TMEM132B: variants seen among roughly 807,000 people sequenced by gnomAD.
The protein encoded by TMEM132B is transmembrane protein 132B.
A neutral mutation model predicts 90.8 loss-of-function variants in TMEM132B; 18 were observed. That is an observed-to-expected ratio of 0.20 (90% CI 0.14 to 0.29). The LOEUF (loss-of-function observed/expected upper bound fraction) is 0.29, where lower values mean the gene tolerates loss of function less well. Among genes scored for constraint, TMEM132B ranks in the 10% least tolerant of loss-of-function variants. The pLI, the probability that TMEM132B is intolerant of heterozygous loss-of-function variation, is 1.00. For synonymous variants in TMEM132B, 504 were observed against 523.3 expected, an observed-to-expected ratio of 0.96 and a Z score of 0.50; for missense variants, 1,096 against 1,326.8, an observed-to-expected ratio of 0.83 and a Z score of 2.70.
rs1193677631 is a variant in TMEM132B, at chr12:125,407,268, G to A, written c.960-8263G>A. ...AAAAGTTAGTTCTCAGGAGGTGAAG[G>A]CAAAGGCCAGACCTCTCTTCGGGCA... On this transcript the variant is annotated intron_variant, in intron 2 of 8. Transcript: ENST00000682704. This position sits in a 1 kb window ranked among gnomAD's most constrained non-coding sequence, Gnocchi z 6.7. Among the ~76,000 whole-genome samples, 4 of 152,238 alleles carry A rather than the reference G, an allele frequency of 2.6e-5. No individual in the cohort carries two copies. Among genetic ancestry groups the A allele is most frequent in the African/African-American group, 9.6e-5 (4 of 41,452 alleles).
At chr12:125,448,964 C>CTTTTTTTTTTT (rs368984381) in intron 3 of TMEM132B, among the ~76,000 whole-genome samples, 1 of 124,736 alleles carries the variant, frequency 8.0e-6, no homozygotes, top group Non-Finnish European at 1.7e-5. Flanking sequence ...ATTCATATAT[C>CTTTTTTTTTTT]TTTTTTTTTT....
chr12:125,634,508 A>G (rs572821791), intron 5 of TMEM132B, among the ~76,000 whole-genome samples: 3 of 152,200 alleles, frequency 2.0e-5, no homozygotes, highest in Admixed American at 2.0e-4. Context: ...TCCTGTAACC[A>G]TCACAGTTGG....
chr12:125,569,902 T>G (rs531178619), intron 4 of TMEM132B, among the ~76,000 whole-genome samples: 18 of 152,222 alleles, frequency 1.2e-4, no homozygotes, highest in Non-Finnish European at 2.2e-4. Flanking sequence ...AAGGGCTCAT[T>G]GGTTCAGCAT....
chr12:125,519,555 T>A lies in TMEM132B; in HGVS notation c.1223T>A (p.Met408Lys). Residue 408 changes from methionine (M) to lysine (K), a missense_variant, in exon 4 of 9, where the codon ATG becomes AAG. Transcript: ENST00000682704. Reference protein sequence around the residue: ...WQVEYPIEDSMSELVVSEIFV... With the variant: ...WQVEYPIEDSKSELVVSEIFV... ...GTGGAGTACCCGATTGAGGACTCCA[T>A]GAGTGAGCTGGTCGTCTCCGAGATC... 1.9e-6 allele frequency: 3 copies of A among 1,614,180 alleles called. No homozygotes were observed. Among genetic ancestry groups the A allele is most frequent in the Non-Finnish European group, 2.5e-6 (3 of 1,180,032 alleles).
intron 1 of TMEM132B, among the ~76,000 whole-genome samples, chr12:125,214,912 G>A (rs1873399877): frequency 6.6e-6 from 1 of 152,192 alleles, no homozygotes; most frequent in Non-Finnish European, 1.5e-5. Context: ...GCTCCTCTGT[G>A]CTCGGTCTCC....
At chr12:125,545,850 C>G (rs1884077410) in intron 4 of TMEM132B, among the ~76,000 whole-genome samples, 1 of 152,196 alleles carries the variant, frequency 6.6e-6, no homozygotes, top group African/African-American at 2.4e-5. Context: ...TTGCAGGAGT[C>G]CATGGGTGAC....
At chr12:125,382,273 G>A in intron 2 of TMEM132B, among the ~76,000 whole-genome samples, 1 of 152,306 alleles carries the variant, frequency 6.6e-6, no homozygotes, top group East Asian at 1.9e-4. Flanking sequence ...TTTCTTCGAA[G>A]GTAAGTGTGA....
At chr12:125,561,894 T>A (rs115878111) in intron 4 of TMEM132B, among the ~76,000 whole-genome samples, 109 of 152,276 alleles carry the variant, frequency 7.2e-4, no homozygotes, top group African/African-American at 2.6e-3. Context: ...GGCTTCAACT[T>A]AAAGTCACCA....
intron 4 of TMEM132B, among the ~76,000 whole-genome samples, chr12:125,575,467 C>A (rs1281305645): frequency 6.6e-6 from 1 of 150,892 alleles, no homozygotes; most frequent in East Asian, 2.0e-4. Context: ...ACATTAGACC[C>A]TTATCAAATA....
At chr12:125,591,985 T>C (rs547589540) in intron 5 of TMEM132B, among the ~76,000 whole-genome samples, 1 of 152,264 alleles carries the variant, frequency 6.6e-6, no homozygotes, top group South Asian at 2.1e-4. Flanking sequence ...GGGGCCACAA[T>C]TCAACCCACC....
At chr12:125,484,064 CT>C (rs1203104820) in intron 3 of TMEM132B, among the ~76,000 whole-genome samples, 1 of 152,054 alleles carries the variant, frequency 6.6e-6, no homozygotes, top group Admixed American at 6.6e-5. Context: ...ACTTACCCCT[CT>C]TTTTTTGTAT....
chr12:125,413,743 T>C (rs1320285034), intron 2 of TMEM132B, among the ~76,000 whole-genome samples: 3 of 152,238 alleles, frequency 2.0e-5, no homozygotes, highest in Admixed American at 6.5e-5. Flanking sequence ...CCCTCCATCA[T>C]AGATGGGCAT....
Position 125,661,150 on chromosome 12 carries a change from T to C in TMEM132B, c.*6440T>C, listed in dbSNP as rs890822624. ...TATTGTTATCTCCTTTGTAAGAATT[T>C]GACTTTCTGAATGAAATAACAGAAT... On this transcript the variant is annotated 3_prime_UTR_variant, in exon 9 of 9. Coordinates refer to ENST00000682704, the MANE Select transcript of TMEM132B (RefSeq NM_001366854.1). The C allele has an allele frequency of 2.0e-5, 3 of 152,254 alleles. No homozygotes were observed. Among genetic ancestry groups the C allele is most frequent in the African/African-American group, 7.2e-5 (3 of 41,458 alleles). The allele number at this position is 152,254 out of a possible 1,614,324, so 9.4% of individuals were successfully genotyped here.
intron 4 of TMEM132B, among the ~76,000 whole-genome samples, chr12:125,535,868 C>T (rs1883781922): frequency 6.6e-6 from 1 of 152,166 alleles, no homozygotes; most frequent in African/African-American, 2.4e-5. Flanking sequence ...TCTACCTGTC[C>T]AGGCAGCAAG....
intron 3 of TMEM132B, among the ~76,000 whole-genome samples, chr12:125,422,402 G>A (rs1180101362): frequency 6.6e-6 from 1 of 152,148 alleles, no homozygotes; most frequent in Non-Finnish European, 1.5e-5. Context: ...TCCTGCTCTT[G>A]CCCAGCCAGC....
intron 3 of TMEM132B, among the ~76,000 whole-genome samples, chr12:125,470,098 A>G (rs970558834): frequency 1.3e-5 from 2 of 152,212 alleles, no homozygotes; most frequent in Non-Finnish European, 2.9e-5. Flanking sequence ...CTGGACTTCT[A>G]TGCTGAGGAT....
In TMEM132B at chr12:125,455,535, T is replaced by G. The variant is rs1326388491; in HGVS notation, c.1106+39858T>G. Among the ~76,000 whole-genome samples the G allele has an allele frequency of 2.0e-5, 3 of 152,120 alleles. No individual in the cohort carries two copies. In the East Asian group the frequency reaches 5.8e-4, roughly 29 times the overall value. On this transcript the variant is annotated intron_variant, in intron 3 of 8. Coordinates refer to ENST00000682704, the MANE Select transcript of TMEM132B (RefSeq NM_001366854.1). The stretch of plus-strand genomic sequence containing the variant: ...ATACTAGTAAGAGAAAGGAACTGTG[T>G]GTGATTTGTGTGATTTTGGTGGGGG...
At chr12:125,653,081 A>G (rs937147652) in intron 8 of TMEM132B, among the ~76,000 whole-genome samples, 2 of 152,214 alleles carry the variant, frequency 1.3e-5, no homozygotes, top group Admixed American at 1.3e-4. Flanking sequence ...AATTATTTCT[A>G]AAGATACCAG....
At chr12:125,244,121 C>A (rs938853568) in intron 1 of TMEM132B, among the ~76,000 whole-genome samples, 1 of 152,312 alleles carries the variant, frequency 6.6e-6, no homozygotes, top group Admixed American at 6.5e-5. Flanking sequence ...GAATCATATT[C>A]TATTGTATGA....
Sources: allele counts gnomAD v4.1 joint callset (sites outside exome capture counted in the v4.1 genomes callset), GRCh38; gene constraint gnomAD v4.1.1; non-coding constraint Gnocchi (gnomAD v3.1); transcripts MANE v1.5; gene names NCBI Gene and HGNC (gene_info 2026-07-23, HGNC 2026-07-21).